Variants in BRAF observed in about 807,000 individuals in gnomAD.
BRAF encodes the protein serine/threonine-protein kinase B-raf.
BRAF carries 16 observed loss-of-function variants against 104.6 expected under a neutral mutation model. The ratio of observed to expected loss-of-function variants is 0.15; its 90% CI spans 0.10 to 0.23. BRAF has a LOEUF of 0.23. BRAF is among the 10% of genes least tolerant of loss of function. The pLI, the probability that BRAF is intolerant of heterozygous loss-of-function variation, is 1.00. For synonymous variants in BRAF, 310 were observed against 341.6 expected (o/e 0.91, Z 1.02); for missense variants, 541 against 937.3 (o/e 0.58, Z 5.52).
intron 14 of BRAF, among the ~76,000 whole-genome samples, chr7:140,763,218 C>T (rs1471222717): frequency 6.6e-6 from 1 of 151,880 alleles, no homozygotes; most frequent in Non-Finnish European, 1.5e-5. Flanking sequence ...CCGGACGAGG[C>T]GGCTGGCCGG....
chr7:140,790,243 C>T (rs1801815038), intron 8 of BRAF, among the ~76,000 whole-genome samples: 1 of 152,214 alleles, frequency 6.6e-6, no homozygotes, highest in Non-Finnish European at 1.5e-5. Flanking sequence ...CCAAATTTTG[C>T]TTTCTCCACT....
intron 2 of BRAF, 111 bp from the exon 3 acceptor site, chr7:140,834,983 T>G: frequency 8.0e-7 from 1 of 1,246,558 alleles, no homozygotes; most frequent in Non-Finnish European, 1.1e-6. Flanking sequence ...TGATAGGGTT[T>G]TAAGTTTCAA....
At chr7:140,738,515 T>C (rs1269867024) in intron 18 of BRAF, among the ~76,000 whole-genome samples, 1 of 152,178 alleles carries the variant, frequency 6.6e-6, no homozygotes, top group Non-Finnish European at 1.5e-5. Context: ...GGCATATTTA[T>C]CCAGTGCTAT....
intron 3 of BRAF, among the ~76,000 whole-genome samples, chr7:140,825,503 A>G (rs1339411654): frequency 6.6e-6 from 1 of 152,124 alleles, no homozygotes; most frequent in Admixed American, 6.5e-5. Context: ...AGGTCACAAA[A>G]ATTTTCTGTA....
chr7:140,894,126 C>T (rs1814597798), intron 1 of BRAF, among the ~76,000 whole-genome samples: 1 of 151,684 alleles, frequency 6.6e-6, no homozygotes, highest in Admixed American at 6.6e-5. Context: ...AGACCCAGAC[C>T]CTGTCTCAAA....
At chr7:140,908,353 A>G (rs2129136940) in intron 1 of BRAF, among the ~76,000 whole-genome samples, 1 of 152,032 alleles carries the variant, frequency 6.6e-6, no homozygotes, top group East Asian at 1.9e-4. Flanking sequence ...TAATTTTTTT[A>G]TTTTTACTAT....
chr7:140,757,136 C>T (rs1241098811), intron 14 of BRAF, among the ~76,000 whole-genome samples: 3 of 152,098 alleles, frequency 2.0e-5, no homozygotes, highest in Non-Finnish European at 2.9e-5. Flanking sequence ...ATGCTTCCTG[C>T]TGCTGGGTCA....
At chr7:140,736,072 CT>C (rs200796950) in intron 18 of BRAF, among the ~76,000 whole-genome samples, 1,683 of 139,716 alleles carry the variant, frequency 0.012, 23 homozygotes, top group African/African-American at 0.035. Context: ...TCTTCTGTAC[CT>C]TTTTTTTTTT....
chr7:140,806,773 GTGTA>G (rs2129047307), intron 5 of BRAF, among the ~76,000 whole-genome samples: 1 of 152,094 alleles, frequency 6.6e-6, no homozygotes, highest in East Asian at 1.9e-4. Flanking sequence ...TTGACATTAG[GTGTA>G]TCTTACACTT....
At chr7:140,749,517 A>C in intron 16 of BRAF, 99 bp from the exon 16 acceptor site, 10 of 1,272,006 alleles carry the variant, frequency 7.9e-6, no homozygotes, top group Non-Finnish European at 9.0e-6. Context: ...TACCATTAAA[A>C]CACCTGTCTA....
chr7:140,831,863 T>A (rs1484621932), intron 3 of BRAF, among the ~76,000 whole-genome samples: 2 of 152,214 alleles, frequency 1.3e-5, no homozygotes, highest in Non-Finnish European at 2.9e-5. Context: ...GAGCAAGACC[T>A]TCGACTAATT....
intron 1 of BRAF, among the ~76,000 whole-genome samples, chr7:140,904,286 G>A (rs931189920): frequency 1.3e-5 from 2 of 152,080 alleles, no homozygotes; most frequent in Non-Finnish European, 2.9e-5. Flanking sequence ...TCAACATCGA[G>A]GCAAGACCAT....
intron 3 of BRAF, among the ~76,000 whole-genome samples, chr7:140,811,733 TCAACCTGTTGTAATGGAAGAAA>T (rs1804287096): frequency 6.6e-6 from 1 of 152,208 alleles, no homozygotes; most frequent in Non-Finnish European, 1.5e-5. Flanking sequence ...CCAATAGGTC[TCAACCTGTTGTAATGGAAGAAA>T]CAACCTAGAG....
intron 3 of BRAF, among the ~76,000 whole-genome samples, chr7:140,821,731 G>C (rs955906443): frequency 1.3e-5 from 2 of 151,840 alleles, no homozygotes; most frequent in Non-Finnish European, 2.9e-5. Context: ...CTCATTGCTC[G>C]GTATATATAC....
At chr7:140,714,169 C>T in the BRAF span, among the ~76,000 whole-genome samples, 5 of 152,286 alleles carry the variant, frequency 3.3e-5, no homozygotes, top group South Asian at 8.3e-4. Context: ...TCTTCTGCAT[C>T]GCTCACGCTG....
At chr7:140,892,871 T>C (rs1814408571) in intron 1 of BRAF, among the ~76,000 whole-genome samples, 2 of 152,234 alleles carry the variant, frequency 1.3e-5, no homozygotes, top group Admixed American at 6.5e-5. Context: ...AGAGAACTGA[T>C]CACTTTTAAT....
downstream of BRAF, among the ~76,000 whole-genome samples, chr7:140,718,230 G>C (rs965168603): frequency 7.9e-5 from 12 of 151,654 alleles, no homozygotes; most frequent in African/African-American, 2.9e-4. Flanking sequence ...GAGTAGCTGG[G>C]ATTACAGGTG....
chr7:140,776,765 A>C (rs968077702), intron 14 of BRAF, 147 bp downstream of exon 13: 2 of 753,548 alleles, frequency 2.7e-6, no homozygotes, highest in Non-Finnish European at 4.5e-6. Context: ...TTTTAGTATC[A>C]TATTATTTAC....
At chr7:140,753,858 A>G (rs1263278687) in intron 15 of BRAF, 1 of 393,378 alleles carries the variant, frequency 2.5e-6, no homozygotes, top group Non-Finnish European at 4.7e-6. Context: ...CTCAACTACC[A>G]CTGAGCAAGG....
Sources: gnomAD v4.1 joint callset for allele counts (sites outside exome capture counted in the v4.1 genomes callset) on GRCh38, gnomAD v4.1.1 for gene constraint, MANE v1.5 for transcripts, NCBI Gene and HGNC (gene_info 2026-07-23, HGNC 2026-07-21) for gene names.